Variants in ADGRD1 observed in about 807,000 individuals in gnomAD.
ADGRD1 encodes adhesion G protein-coupled receptor D1, also known as G-protein coupled receptor 133.
Under a neutral mutation model 113.4 loss-of-function variants are expected in ADGRD1, and 77 were observed. The ratio of observed to expected loss-of-function variants is 0.68; its 90% CI spans 0.57 to 0.82. The LOEUF (loss-of-function observed/expected upper bound fraction) is 0.82, where lower values mean the gene tolerates loss of function less well. Ranked by LOEUF, ADGRD1 falls within the 40% of genes least tolerant of loss-of-function variation. The pLI is 0.00. For synonymous variants in ADGRD1, 474 were observed against 475.0 expected, an observed-to-expected ratio of 1.00 and a Z score of 0.03; for missense variants, 1,036 against 1,139.1, an observed-to-expected ratio of 0.91 and a Z score of 1.30.
intron 13 of ADGRD1, among the ~76,000 whole-genome samples, chr12:131,037,322 G>GGGGCCTCACTCACTGCACC (rs1197436321): frequency 2.9e-5 from 2 of 68,336 alleles, no homozygotes; most frequent in African/African-American, 5.3e-5. Context: ...CTCACTGCAT[G>GGGGCCTCACTCACTGCACC]GGGCCTCACT....
chr12:131,105,010 C>T (rs748931517), intron 16 of ADGRD1, 76 bp downstream of exon 16: 49 of 1,045,468 alleles, frequency 4.7e-5, no homozygotes, highest in African/African-American at 6.4e-5. Flanking sequence ...GGAAGAGACA[C>T]GGGAGAGGGG....
At chr12:131,100,381 T>C (rs747942791) in intron 15 of ADGRD1, among the ~76,000 whole-genome samples, 30 of 151,392 alleles carry the variant, frequency 2.0e-4, no homozygotes, top group Non-Finnish European at 3.5e-4. Flanking sequence ...TGGTTGATGG[T>C]GAAGTTGGTT....
At position 131,003,006 on chromosome 12, in the gene ADGRD1, G is replaced by T. The variant is rs891949729; in HGVS notation, c.1027-179G>T. 6.6e-6 allele frequency among the ~76,000 whole-genome samples: 1 copy of T among 152,230 alleles called. No homozygotes were observed. The highest frequency in any genetic ancestry group is 1.5e-5 in the Non-Finnish European group (1 of 68,038). ...GCTGTGTCCATGCTCCGTGAGCTCA[G>T]TCGGGTGTGTGGCCTCCGTGTGGTC... On this transcript the variant is annotated intron_variant, in intron 9 of 24. Coordinates refer to ENST00000261654, the MANE Select transcript of ADGRD1 (RefSeq NM_198827.5). The surrounding 1 kb of genome is among the most constrained non-coding windows in gnomAD (Gnocchi z 4.8).
chr12:131,085,574 C>T (rs1437109325), intron 15 of ADGRD1, among the ~76,000 whole-genome samples: 1 of 152,152 alleles, frequency 6.6e-6, no homozygotes, highest in Admixed American at 6.5e-5. Context: ...CGTAGACGCT[C>T]ATGTAGGTGG....
At chr12:131,129,140 T>A (rs1310675901) in intron 20 of ADGRD1, among the ~76,000 whole-genome samples, 2 of 128,214 alleles carry the variant, frequency 1.6e-5, no homozygotes, top group African/African-American at 6.0e-5. Context: ...TGGGTGTGAG[T>A]GACAGGCCCG....
intron 13 of ADGRD1, among the ~76,000 whole-genome samples, chr12:131,015,497 G>T (rs998756352): frequency 6.6e-6 from 1 of 151,442 alleles, no homozygotes; most frequent in African/African-American, 2.4e-5. Flanking sequence ...AGATGGAGAG[G>T]GGACTGGAGA....
At chr12:130,985,507 C>T (rs755954189) in intron 5 of ADGRD1, among the ~76,000 whole-genome samples, 8 of 151,962 alleles carry the variant, frequency 5.3e-5, no homozygotes, top group Admixed American at 1.3e-4. Context: ...TTATATTAGA[C>T]CTATAGTCCA....
At chr12:131,080,485 G>A (rs1037759423) in intron 14 of ADGRD1, among the ~76,000 whole-genome samples, 1 of 151,986 alleles carries the variant, frequency 6.6e-6, no homozygotes, top group Non-Finnish European at 1.5e-5. Context: ...ACACCAAGTC[G>A]ATTGATAGTT....
intron 12 of ADGRD1, among the ~76,000 whole-genome samples, chr12:131,010,027 C>T (rs1877671914): frequency 6.6e-6 from 1 of 152,222 alleles, no homozygotes; most frequent in African/African-American, 2.4e-5. Context: ...GCCCTGGCTG[C>T]AGTGCTGCTC....
At chr12:130,967,321 T>G (rs1309964166) in intron 3 of ADGRD1, 1 of 180,892 alleles carries the variant, frequency 5.5e-6, no homozygotes, top group Non-Finnish European at 1.2e-5. Flanking sequence ...TTGAGTTCAT[T>G]CAGACATTTG....
chr12:131,136,707 T>G (rs1951096932), intron 22 of ADGRD1, among the ~76,000 whole-genome samples: 1 of 152,248 alleles, frequency 6.6e-6, no homozygotes, highest in African/African-American at 2.4e-5. Flanking sequence ...TTGCCCACGC[T>G]GAGCCTGCCT....
In ADGRD1 at chr12:131,004,216, C is replaced by T; in HGVS notation, c.1175C>T (p.Thr392Ile). 6.2e-7 allele frequency: 1 copy of T among 1,614,020 alleles called. No individual in the cohort carries two copies. ...EFSVAKILPKTVNSSHYRFPA... is the reference protein window; with the variant it reads ...EFSVAKILPKIVNSSHYRFPA... ...TCCGTGGCCAAAATCCTGCCCAAGA[C>T]CGTGAATTCCTCCCATTACCGCTTC... The change falls in exon 11 of 25, where the codon ACC becomes ATC. Residue 392 changes from threonine (T) to isoleucine (I), a missense_variant. By Grantham distance (89) the Thr-to-Ile change is moderately conservative (BLOSUM62 -1). Coordinates refer to ENST00000261654, the MANE Select transcript of ADGRD1 (RefSeq NM_198827.5).
chr12:130,988,254 T>C (rs1282415539), intron 6 of ADGRD1: 1 of 152,184 alleles, frequency 6.6e-6, no homozygotes, highest in East Asian at 1.9e-4. Context: ...AAATTAATAT[T>C]CATCTTTCCC....
intron 4 of ADGRD1, among the ~76,000 whole-genome samples, chr12:130,979,480 G>A (rs1052668468): frequency 1.3e-5 from 2 of 152,136 alleles, no homozygotes; most frequent in Non-Finnish European, 2.9e-5. Flanking sequence ...CAGAAAGCAT[G>A]GTGGGCAATG....
chr12:131,027,807 T>A lies in ADGRD1; in HGVS notation c.1473+13467T>A, dbSNP rs1880138428. ...TATAACATGCCTGCAGAAAAGCACG[T>A]ATATGTGTGTATGGTATGACAGTTT... On this transcript the variant is annotated intron_variant, in intron 13 of 24. Transcript: ENST00000261654. The surrounding 1 kb of genome is among the most constrained non-coding windows in gnomAD (Gnocchi z 5.1). 2 of 152,164 alleles carry A rather than the reference T, an allele frequency of 1.3e-5. No individual in the cohort carries two copies. The highest frequency in any genetic ancestry group is 4.8e-5 in the African/African-American group (2 of 41,416). 9.4% of individuals were successfully genotyped at this position (152,164 alleles called of 1,614,324 possible). A position where few individuals can be genotyped will look rare whatever the true frequency, so the allele number is the denominator to read the frequency against.
Position 131,139,177 on chromosome 12 carries a change from A to G in ADGRD1, c.2539A>G (p.Thr847Ala). 6.2e-7 allele frequency: 1 copy of G among 1,612,760 alleles called. No homozygotes were observed. The highest frequency in any genetic ancestry group is 8.5e-7 in the Non-Finnish European group (1 of 1,179,670). Residue 847 changes from threonine (T) to alanine (A), a missense_variant, in exon 25 of 25, where the codon ACC becomes GCC. By Grantham distance (58) the Thr-to-Ala change is moderately conservative. Transcript: ENST00000261654. ...KPFHSDLMNG[T>A]RPGMASTKLS... is the part of the protein sequence containing the mutation. ...CCTTTATGCTTTGCAGATGAATGGG[A>G]CCCGGCCAGGCATGGCCTCCACCAA...
At chr12:131,128,519 TTAAAAC>T (rs1356357534) in intron 20 of ADGRD1, among the ~76,000 whole-genome samples, 6 of 152,228 alleles carry the variant, frequency 3.9e-5, no homozygotes, top group Admixed American at 6.5e-5. Context: ...TTATAATTGT[TTAAAAC>T]TAAAATTTAA....
chr12:130,999,931 G>A (rs1876127511), intron 8 of ADGRD1, among the ~76,000 whole-genome samples: 1 of 152,226 alleles, frequency 6.6e-6, no homozygotes, highest in African/African-American at 2.4e-5. Context: ...ACCTGACCAA[G>A]GGCCTGAGTA....
At chr12:131,123,038 A>AGTTTTTTT (rs1950637701) in intron 20 of ADGRD1, among the ~76,000 whole-genome samples, 2 of 35,386 alleles carry the variant, frequency 5.7e-5, no homozygotes, top group Admixed American at 3.4e-4. Context: ...TTACCTGGGG[A>AGTTTTTTT]GTTTTTTTTT....
Sources: gnomAD v4.1 joint callset for allele counts (sites outside exome capture counted in the v4.1 genomes callset) on GRCh38, gnomAD v4.1.1 for gene constraint, Gnocchi (gnomAD v3.1) non-coding constraint, MANE v1.5 for transcripts, NCBI Gene and HGNC (gene_info 2026-07-23, HGNC 2026-07-21) for gene names.